SIRT7: variants seen among roughly 807,000 people sequenced by gnomAD.
The protein encoded by SIRT7 is sirtuin 7.
SIRT7 carries 32 observed loss-of-function variants against 42.8 expected under a neutral mutation model. The observed-to-expected ratio is 0.75, with a 90% CI of 0.56 to 1.00. The LOEUF (loss-of-function observed/expected upper bound fraction) is 1.00, where lower values mean the gene tolerates loss of function less well. Ranked by LOEUF, SIRT7 falls within the 50% of genes least tolerant of loss-of-function variation. The probability of loss-of-function intolerance (pLI) is 0.00; values close to 1 mark genes in which losing one functional copy is unlikely to be tolerated. For synonymous variants in SIRT7, 297 were observed against 245.2 expected (o/e 1.21, Z -1.97); for missense variants, 553 against 572.2 (o/e 0.97, Z 0.34).
intron 3 of SIRT7, chr17:81,916,043 G>A (rs543859324): frequency 5.1e-5 from 16 of 316,634 alleles, no homozygotes; most frequent in African/African-American, 2.6e-4. Context: ...CCCCAGGGCC[G>A]AGCCCACAGC....
rs1192603826 is a variant in SIRT7, at chr17:81,915,597, C to T, written c.407+14G>A. ...TGCCCAGCCTATGTGGGAGGCCATG[C>T]CTGGCCCGCTTACCTAACGCTTCTC... On this transcript the variant is annotated intron_variant, in intron 4 of 9. Transcript: ENST00000328666. 2 of 1,613,628 alleles carry T rather than the reference C, an allele frequency of 1.2e-6. No individual in the cohort carries two copies. Among genetic ancestry groups the T allele is most frequent in the East Asian group, 4.5e-5 (2 of 44,888 alleles).
intron 3 of SIRT7, chr17:81,917,329 G>T: frequency 3.0e-6 from 1 of 330,770 alleles, no homozygotes; most frequent in Non-Finnish European, 5.5e-6. Context: ...CCTCGACATG[G>T]ACAGAACAGA....
At chr17:81,916,499 C>T (rs2040801885) in intron 3 of SIRT7, 1 of 137,274 alleles carries the variant, frequency 7.3e-6, no homozygotes, top group Non-Finnish European at 1.5e-5. Context: ...CGGAGTTTAG[C>T]TCTTTCGCCC....
rs764714847 is a variant in SIRT7 at position 81,912,370 on chromosome 17, C to CA, written c.*45dup. ...GGGGGCAACCCAGCCTTCACCGTGA[C>CA]ACTGGCCATCTGCAAAGTGCCAACT... On this transcript the variant is annotated 3_prime_UTR_variant, in exon 10 of 10. Coordinates refer to ENST00000328666, the MANE Select transcript of SIRT7 (RefSeq NM_016538.3). 6.2e-7 allele frequency: 1 copy of CA among 1,610,994 alleles called. No homozygotes were observed. The highest frequency in any genetic ancestry group is 2.2e-5 in the East Asian group (1 of 44,872).
chr17:81,912,722 C>T, intron 9 of SIRT7, 108 bp from the exon 10 acceptor site: 1 of 1,227,508 alleles, frequency 8.1e-7, no homozygotes, highest in East Asian at 2.5e-5. Context: ...ATCCCCTTCC[C>T]TCCCGTGTCA....
intron 3 of SIRT7, chr17:81,915,945 G>C (rs1172919064): frequency 4.1e-6 from 2 of 482,484 alleles, no homozygotes; most frequent in African/African-American, 3.9e-5. Context: ...GCCTCCGGAA[G>C]CCTCTCTGGC....
In SIRT7 at chr17:81,915,615, C is replaced by T. The variant is rs141043586; in HGVS notation, c.403G>A (p.Val135Ile). 1.6e-5 allele frequency: 26 copies of T among 1,613,804 alleles called. No homozygotes were observed. The highest frequency in any genetic ancestry group is 1.6e-4 in the Middle Eastern group (1 of 6,084). ...GGCCATGCCTGGCCCGCTTACCTAA[C>T]GCTTCTCCCTTTCTGAAGCAGTGTC... is the stretch of plus-strand genomic sequence containing the variant. ...VWTLLQKGRS[V>I]SAADLSEAEP... The change falls in exon 4 of 10, where the codon GTT (valine) becomes ATT (isoleucine). Residue 135 changes from valine to isoleucine, a missense_variant. Coordinates refer to ENST00000328666, the MANE Select transcript of SIRT7 (RefSeq NM_016538.3).
intron 9 of SIRT7, 87 bp from the exon 10 acceptor site, chr17:81,912,701 C>A: frequency 7.2e-7 from 1 of 1,394,464 alleles, no homozygotes; most frequent in South Asian, 1.2e-5. Flanking sequence ...GTCTGCGGTC[C>A]CTGCCTTCCC....
Position 81,914,286 on chromosome 17 carries a change from G to A in SIRT7, c.816+8C>T, listed in dbSNP as rs368760219. 3.6e-5 allele frequency: 58 copies of A among 1,612,948 alleles called. No individual in the cohort carries two copies. The Admixed American group carries it at 4.2e-4, about 12-fold the overall frequency. On this transcript the variant is annotated splice_region_variant and intron_variant, in intron 7 of 9. Coordinates refer to ENST00000328666, the MANE Select transcript of SIRT7 (RefSeq NM_016538.3). ...GCTCGGTTCACTCATTGTGTCATCG[G>A]CACGTACCTTCAGGCTGGACCCTAG...
In SIRT7 at chr17:81,913,933, G is replaced by T. The variant is rs1217921214; in HGVS notation, c.898-53C>A. 6.5e-7 allele frequency: 1 copy of T among 1,543,584 alleles called. No individual in the cohort carries two copies. The highest frequency in any genetic ancestry group is 2.4e-5 in the East Asian group (1 of 41,292). ...TAACAGCAGCCCAACCCTTCCCGGT[G>T]GCCTGTCAGCCTTGGCCCCTACGGG... On this transcript the variant is annotated intron_variant, in intron 8 of 9. Coordinates refer to ENST00000328666, the MANE Select transcript of SIRT7 (RefSeq NM_016538.3). This position sits in a 1 kb window ranked among gnomAD's most constrained non-coding sequence, Gnocchi z 5.0.
intron 8 of SIRT7, 38 bp downstream of exon 8, chr17:81,914,049 C>G: frequency 6.2e-7 from 1 of 1,609,974 alleles, no homozygotes; most frequent in Non-Finnish European, 8.5e-7. Context: ...CGTTCTAAGA[C>G]CCAGATCTAA....
intron 9 of SIRT7, 66 bp from the exon 10 acceptor site, chr17:81,912,680 T>C: frequency 6.6e-7 from 1 of 1,525,252 alleles, no homozygotes; most frequent in Middle Eastern, 2.1e-4. Context: ...CTGCCCCAGC[T>C]CGGGAAAGCT....
In SIRT7 at chr17:81,913,946, T is replaced by C. The variant is rs2040741929; in HGVS notation, c.898-66A>G. The C allele has an allele frequency of 1.3e-6, 2 of 1,543,930 alleles. No individual in the cohort carries two copies. The highest frequency in any genetic ancestry group is 1.9e-5 in the Admixed American group (1 of 52,112). ...ACCCTTCCCGGTGGCCTGTCAGCCT[T>C]GGCCCCTACGGGCTCAGTCGGTGCT... On this transcript the variant is annotated intron_variant, in intron 8 of 9. Transcript: ENST00000328666. This position sits in a 1 kb window ranked among gnomAD's most constrained non-coding sequence, Gnocchi z 5.0.
At position 81,918,137 on chromosome 17, in the gene SIRT7, C is replaced by A. The variant is rs1250706769; in HGVS notation, c.-6G>T. On this transcript the variant is annotated 5_prime_UTR_variant, in exon 1 of 10. Transcript: ENST00000328666. Reference sequence around the variant, plus strand: ...CTCAGACCCCCGGCTGCCATCGCTCCCCTGGAGACCTGCTCTTCCGCTTCC... The same window carrying A: ...CTCAGACCCCCGGCTGCCATCGCTCACCTGGAGACCTGCTCTTCCGCTTCC... The A allele has an allele frequency of 1.9e-6, 3 of 1,544,774 alleles. No homozygotes were observed. The highest frequency in any genetic ancestry group is 1.7e-6 in the Non-Finnish European group (2 of 1,156,460).
Position 81,912,422 on chromosome 17 carries a change from C to G in SIRT7, c.1197G>C (p.Val399=), listed in dbSNP as rs772341390. 6.2e-7 allele frequency: 1 copy of G among 1,614,122 alleles called. No homozygotes were observed. Among genetic ancestry groups the G allele is most frequent in the Non-Finnish European group, 8.5e-7 (1 of 1,180,030 alleles). Residue 399 remains valine (V), a synonymous_variant, in exon 10 of 10, where the codon GTG becomes GTC. Coordinates refer to ENST00000328666, the MANE Select transcript of SIRT7 (RefSeq NM_016538.3). ...GCTKRTKRKK[V]T ...TTCTTCATCGAGCACGTGATTACGT[C>G]ACTTTCTTCCTTTTTGTGCGTTTTG...
chr17:81,912,228 G>T lies in SIRT7; in HGVS notation c.*188C>A. On this transcript the variant is annotated 3_prime_UTR_variant, in exon 10 of 10. Transcript: ENST00000328666. ...GGCCGGATGGGCAGGTGTCCTCGATGGCCAGGCCGTATCAGGGTACAACCG... is the reference window on the plus strand; with the variant it reads ...GGCCGGATGGGCAGGTGTCCTCGATTGCCAGGCCGTATCAGGGTACAACCG... The T allele has an allele frequency of 1.5e-6, 1 of 687,054 alleles. No individual in the cohort carries two copies. The highest frequency in any genetic ancestry group is 2.5e-6 in the Non-Finnish European group (1 of 406,894). 42.6% of individuals were successfully genotyped at this position (687,054 alleles called of 1,614,324 possible).
In SIRT7 at chr17:81,914,421, G is replaced by T; in HGVS notation, c.689C>A (p.Thr230Asn). The change falls in exon 7 of 10, where the codon ACC becomes AAC. Residue 230 changes from threonine (T) to asparagine (N), a missense_variant. Coordinates refer to ENST00000328666, the MANE Select transcript of SIRT7 (RefSeq NM_016538.3). ...GTGCACAATGGTGTCCCGCAGCTGGGTCCCACACTTGTGGCAGGTCCGGCC... is the reference window on the plus strand; with the variant it reads ...GTGCACAATGGTGTCCCGCAGCTGGTTCCCACACTTGTGGCAGGTCCGGCC... The part of the protein sequence containing the change: ...QTGRTCHKCG[T>N]QLRDTIVHFG... 6.2e-7 allele frequency: 1 copy of T among 1,613,360 alleles called. No individual in the cohort carries two copies. The highest frequency in any genetic ancestry group is 8.5e-7 in the Non-Finnish European group (1 of 1,180,024).
intron 7 of SIRT7, 30 bp downstream of exon 7, chr17:81,914,264 C>G: frequency 6.2e-7 from 1 of 1,611,854 alleles, no homozygotes; most frequent in Middle Eastern, 1.7e-4. Context: ...GGCAGGGGCT[C>G]GGTTCACTCA....
chr17:81,916,030 T>G, intron 3 of SIRT7: 1 of 339,856 alleles, frequency 2.9e-6, no homozygotes, highest in South Asian at 2.6e-5. Context: ...GTTCCTAAAG[T>G]GCCCCCAGGG....
Sources: gnomAD v4.1 joint callset for allele counts on GRCh38, gnomAD v4.1.1 for gene constraint, Gnocchi (gnomAD v3.1) non-coding constraint, MANE v1.5 for transcripts, NCBI Gene and HGNC (gene_info 2026-07-23, HGNC 2026-07-21) for gene names.